The following AFDN variants were observed in gnomAD, a reference collection of about 807,000 sequenced individuals.
The protein encoded by AFDN is afadin, adherens junction formation factor.
In AFDN, 68 loss-of-function variants were observed where a neutral mutation model predicts 216.6. That is an observed-to-expected ratio of 0.31 (90% CI 0.26 to 0.38). The LOEUF (loss-of-function observed/expected upper bound fraction) is 0.38, where lower values mean the gene tolerates loss of function less well. AFDN is among the 10% of genes least tolerant of loss of function. The pLI is 1.00. For missense variants in AFDN, 2,136 were observed against 2,342.0 expected, an observed-to-expected ratio of 0.91 and a Z score of 1.82; for synonymous variants, 868 against 853.7, an observed-to-expected ratio of 1.02 and a Z score of -0.29.
At chr6:167,848,320 G>A (rs959411455) in intron 1 of AFDN, among the ~76,000 whole-genome samples, 1 of 152,082 alleles carries the variant, frequency 6.6e-6, no homozygotes, top group Non-Finnish European at 1.5e-5. Flanking sequence ...TAGTTAAATA[G>A]TGTCCAGAAA....
chr6:167,914,528 T>C lies in AFDN; in HGVS notation c.2205-116T>C. 2.8e-5 allele frequency: 8 copies of C among 282,168 alleles called. No homozygotes were observed. The South Asian group carries it at 5.7e-4, about 20-fold the overall frequency. The allele number at this position is 282,168 out of a possible 1,614,324, so 17.5% of individuals were successfully genotyped here. ...GTGAGCTATGTTTCAAGATTCCACA[T>C]TTTTTTTTTAATGGAAAATATTTTT... is the stretch of plus-strand genomic sequence containing the variant. On this transcript the variant is annotated intron_variant, in intron 17 of 33. Coordinates refer to ENST00000683244, the MANE Select transcript of AFDN (RefSeq NM_001386888.1).
chr6:167,947,394 T>C (rs1003654545), intron 27 of AFDN, among the ~76,000 whole-genome samples: 7 of 152,162 alleles, frequency 4.6e-5, no homozygotes, highest in Admixed American at 2.6e-4. Context: ...TTAGCCAGGA[T>C]GGTCTCGATC....
intron 2 of AFDN, among the ~76,000 whole-genome samples, chr6:167,866,053 TC>T (rs1784141450): frequency 6.6e-6 from 1 of 152,208 alleles, no homozygotes; most frequent in African/African-American, 2.4e-5. Flanking sequence ...GCTGAGTTTT[TC>T]CTTTACCTTA....
At chr6:167,919,310 G>A (rs945995259) in intron 21 of AFDN, among the ~76,000 whole-genome samples, 3 of 152,246 alleles carry the variant, frequency 2.0e-5, no homozygotes, top group Admixed American at 6.5e-5. Flanking sequence ...TACCAGCATA[G>A]CAGTTAAGAG....
Position 167,926,543 on chromosome 6 carries a change from G to A in AFDN, c.3099+1452G>A, listed in dbSNP as rs534114106. The stretch of plus-strand genomic sequence containing the variant: ...GAACTCCTGGGCCAAGTGATCCTCC[G>A]GCCTCAGCCTCCCAAGTAGCTAGGA... On this transcript the variant is annotated intron_variant, in intron 23 of 33. Transcript: ENST00000683244. Among the ~76,000 whole-genome samples, 6 of 152,248 alleles carry A rather than the reference G, an allele frequency of 3.9e-5. No homozygotes were observed. In the South Asian group the frequency reaches 1.0e-3, roughly 26 times the overall value.
intron 9 of AFDN, among the ~76,000 whole-genome samples, chr6:167,895,372 C>T (rs928974201): frequency 6.6e-6 from 1 of 152,106 alleles, no homozygotes. Context: ...TACCTATGTC[C>T]AGGAAAAGCC....
Position 167,827,195 on chromosome 6 carries a change from C to A in AFDN, c.63C>A (p.Asn21Lys). 1.5e-6 allele frequency: 2 copies of A among 1,297,712 alleles called. No individual in the cohort carries two copies. Among genetic ancestry groups the A allele is most frequent in the Non-Finnish European group, 2.0e-6 (2 of 992,652 alleles). The allele number at this position is 1,297,712 out of a possible 1,614,324, so 80.4% of individuals were successfully genotyped here. A position where few individuals can be genotyped will look rare whatever the true frequency, so the allele number is the denominator to read the frequency against. The change falls in exon 1 of 34, where the codon AAC becomes AAA. Residue 21 changes from asparagine (N) to lysine (K), a missense_variant. Coordinates refer to ENST00000683244, the MANE Select transcript of AFDN (RefSeq NM_001386888.1). ...TGGCCGACATCATCCACCACTGGAA[C>A]GCCAACCGGCTGGACCTGTTCGAGA... The part of the protein sequence containing the change: ...RKLADIIHHW[N>K]ANRLDLFEIS...
chr6:167,901,305 T>TC (rs1261293031), intron 11 of AFDN, among the ~76,000 whole-genome samples: 1 of 152,162 alleles, frequency 6.6e-6, no homozygotes, highest in Non-Finnish European at 1.5e-5. Context: ...TTTAGGGCTT[T>TC]TTTTTGTGGA....
intron 4 of AFDN, among the ~76,000 whole-genome samples, chr6:167,873,490 T>G (rs1450588722): frequency 1.3e-5 from 2 of 152,248 alleles, no homozygotes; most frequent in African/African-American, 4.8e-5. Flanking sequence ...GTTTTGTTTT[T>G]AAATAAATGT....
At chr6:167,948,236 C>A in intron 28 of AFDN, 57 bp from the exon 29 acceptor site, 1 of 1,423,130 alleles carries the variant, frequency 7.0e-7, no homozygotes. Flanking sequence ...CATTGAAAAT[C>A]AAGTTAGTCT....
intron 12 of AFDN, among the ~76,000 whole-genome samples, chr6:167,903,938 TTC>T (rs1789315714): frequency 6.6e-6 from 1 of 152,206 alleles, no homozygotes; most frequent in Admixed American, 6.5e-5. Flanking sequence ...TTGATGCACT[TTC>T]TTCTGTTGGC....
In AFDN at chr6:167,965,903, C is replaced by T. The variant is rs1797499285; in HGVS notation, c.5115C>T (p.Ser1705=). Residue 1705 remains serine (S), a synonymous_variant, in exon 32 of 34, where the codon TCC becomes TCT. Transcript: ENST00000683244. ...LPRDYEPPSP[S]PAPGAPPPPP... is the part of the protein sequence containing the mutation. ...GGGACTACGAGCCCCCGTCCCCGTC[C>T]CCCGCGCCCGGCGCCCCTCCTCCCC... 5.8e-6 allele frequency: 9 copies of T among 1,549,662 alleles called. No homozygotes were observed. Among genetic ancestry groups the T allele is most frequent in the Non-Finnish European group, 7.0e-6 (8 of 1,146,588 alleles).
chr6:167,939,194 T>C (rs1794380709), intron 23 of AFDN, among the ~76,000 whole-genome samples: 1 of 152,350 alleles, frequency 6.6e-6, no homozygotes, highest in East Asian at 1.9e-4. Context: ...TAAACATTTT[T>C]CTTGTCAGAG....
In AFDN at chr6:167,922,918, G is replaced by A; in HGVS notation, c.2971G>A (p.Ala991Thr). Reference protein sequence around the residue: ...PGTWTIYFEGADYESHLLREN... With the variant: ...PGTWTIYFEGTDYESHLLREN... ...TACTTGGACAATATATTTTGAAGGTGCAGATTATGAAAGTCACCTTCTGCG... is the reference window on the plus strand; with the variant it reads ...TACTTGGACAATATATTTTGAAGGTACAGATTATGAAAGTCACCTTCTGCG... The change falls in exon 22 of 34, where the codon GCA (alanine) becomes ACA (threonine). Residue 991 changes from alanine to threonine, a missense_variant. This residue lies in a region of AFDN where 162 missense variants were observed against 182.6 expected (regional missense o/e 0.89). Transcript: ENST00000683244. 1 of 1,613,136 alleles carries A rather than the reference G, an allele frequency of 6.2e-7. No individual in the cohort carries two copies. Among genetic ancestry groups the A allele is most frequent in the Non-Finnish European group, 8.5e-7 (1 of 1,179,636 alleles).
intron 1 of AFDN, among the ~76,000 whole-genome samples, chr6:167,853,410 C>G (rs1012308297): frequency 6.6e-6 from 1 of 151,982 alleles, no homozygotes; most frequent in African/African-American, 2.4e-5. Flanking sequence ...GTAGACTAGT[C>G]TGCTGGCAAT....
intron 3 of AFDN, among the ~76,000 whole-genome samples, chr6:167,870,965 A>G (rs915900332): frequency 2.0e-5 from 3 of 152,162 alleles, no homozygotes; most frequent in African/African-American, 7.2e-5. Flanking sequence ...ACAACTTCCT[A>G]GGTGGTAGGA....
intron 22 of AFDN, chr6:167,923,304 A>G (rs1342480755): frequency 1.2e-5 from 2 of 164,040 alleles, no homozygotes; most frequent in Non-Finnish European, 2.6e-5. Context: ...TCATTCTTTT[A>G]TAGTCAGTTC....
chr6:167,925,426 A>G (rs1230891156), intron 23 of AFDN, among the ~76,000 whole-genome samples: 1 of 152,192 alleles, frequency 6.6e-6, no homozygotes, highest in Non-Finnish European at 1.5e-5. Flanking sequence ...AGAAAACTGC[A>G]TCGTGGGAGT....
rs2058871173 is a variant in AFDN, at chr6:167,827,252, G to A, written c.105+15G>A. 4 of 1,097,558 alleles carry A rather than the reference G, an allele frequency of 3.6e-6. No homozygotes were observed. The South Asian group carries it at 6.8e-5, about 19-fold the overall frequency. 68.0% of individuals were successfully genotyped at this position (1,097,558 alleles called of 1,614,324 possible). On this transcript the variant is annotated intron_variant, in intron 1 of 33. Coordinates refer to ENST00000683244, the MANE Select transcript of AFDN (RefSeq NM_001386888.1). ...AGCCGACCGAGGTGAGCACCGCCGG[G>A]CGCGGGGCCTGCGCGACCCCCGCCC...
Sources: allele counts gnomAD v4.1 joint callset (sites outside exome capture counted in the v4.1 genomes callset), GRCh38; gene constraint gnomAD v4.1.1; regional missense constraint gnomAD v4.1.1; transcripts MANE v1.5; gene names NCBI Gene and HGNC (gene_info 2026-07-23, HGNC 2026-07-21).